GAS2: variants seen among roughly 807,000 people sequenced by gnomAD.
The protein encoded by GAS2 is growth arrest-specific protein 2.
Under a neutral mutation model 37.5 loss-of-function variants are expected in GAS2, and 20 were observed. That is an observed-to-expected ratio of 0.53 (90% CI 0.37 to 0.77). The LOEUF is 0.77. Ranked by LOEUF, GAS2 falls within the 30% of genes least tolerant of loss-of-function variation. The probability of loss-of-function intolerance (pLI) is 0.00; values close to 1 mark genes in which losing one functional copy is unlikely to be tolerated. For synonymous variants in GAS2, 144 were observed against 132.2 expected (o/e 1.09, Z -0.61); for missense variants, 336 against 373.4 (o/e 0.90, Z 0.82).
intron 7 of GAS2, among the ~76,000 whole-genome samples, chr11:22,803,372 C>T (rs1856749887): frequency 6.6e-6 from 1 of 152,042 alleles, no homozygotes; most frequent in South Asian, 2.1e-4. Context: ...AGGACATAAG[C>T]CTATGAATCA....
chr11:22,705,824 CAAGA>C (rs1220999135), intron 3 of GAS2, among the ~76,000 whole-genome samples: 3 of 151,994 alleles, frequency 2.0e-5, no homozygotes, highest in African/African-American at 7.2e-5. Flanking sequence ...TGTATAAATA[CAAGA>C]AAGTGTACAT....
At chr11:22,669,725 G>T (rs894725019) in intron 1 of GAS2, among the ~76,000 whole-genome samples, 1 of 152,130 alleles carries the variant, frequency 6.6e-6, no homozygotes, top group African/African-American at 2.4e-5. Context: ...TCAATTTAAA[G>T]ATTTTTATTA....
intron 7 of GAS2, among the ~76,000 whole-genome samples, chr11:22,803,363 G>A (rs1159289250): frequency 1.3e-5 from 2 of 152,062 alleles, no homozygotes; most frequent in African/African-American, 2.4e-5. Flanking sequence ...AGATTTGTTA[G>A]GACATAAGCC....
chr11:22,789,425 G>GATAT (rs35755438), intron 7 of GAS2, among the ~76,000 whole-genome samples: 1,136 of 30,522 alleles, frequency 0.037, 27 homozygotes, highest in African/African-American at 0.069. Context: ...TCTCATATGA[G>GATAT]ATATATATAT....
chr11:22,728,630 T>C (rs1444229022), intron 4 of GAS2, among the ~76,000 whole-genome samples: 1 of 151,764 alleles, frequency 6.6e-6, no homozygotes, highest in Non-Finnish European at 1.5e-5. Flanking sequence ...CAAGTTAAAT[T>C]AATTAGTTAG....
At chr11:22,733,052 C>T (rs1852562967) in intron 4 of GAS2, among the ~76,000 whole-genome samples, 1 of 151,430 alleles carries the variant, frequency 6.6e-6, no homozygotes, top group East Asian at 1.9e-4. Flanking sequence ...AATAAACTCC[C>T]ATGCCATGCC....
At chr11:22,765,617 A>T (rs184852056) in intron 7 of GAS2, among the ~76,000 whole-genome samples, 1 of 151,964 alleles carries the variant, frequency 6.6e-6, no homozygotes, top group South Asian at 2.1e-4. Flanking sequence ...GTCTCTACTA[A>T]AATTACAAAA....
chr11:22,742,342 T>C (rs185467352), intron 5 of GAS2, among the ~76,000 whole-genome samples: 2 of 152,172 alleles, frequency 1.3e-5, no homozygotes. Context: ...GAAAACCTCA[T>C]TGACAAAATA....
chr11:22,658,214 AGGT>A (rs1848877048), intron 1 of GAS2, among the ~76,000 whole-genome samples: 1 of 151,980 alleles, frequency 6.6e-6, no homozygotes, highest in South Asian at 2.1e-4. Context: ...TTTTTAGTAG[AGGT>A]GGTGTTTCAC....
chr11:22,773,200 C>T (rs965348309), intron 7 of GAS2, among the ~76,000 whole-genome samples: 1 of 152,070 alleles, frequency 6.6e-6, no homozygotes, highest in African/African-American at 2.4e-5. Flanking sequence ...CAGTATTCCC[C>T]AGAGTAACTT....
Position 22,712,956 on chromosome 11 carries a change from T to C in GAS2, c.268-13336T>C, listed in dbSNP as rs566168482. ...AGCCAGGCATGGTGGCTCAAACCTGTGGTCCCAGCTACTTGGGAGGCTGAG... is the reference window on the plus strand; with the variant it reads ...AGCCAGGCATGGTGGCTCAAACCTGCGGTCCCAGCTACTTGGGAGGCTGAG... On this transcript the variant is annotated intron_variant, in intron 3 of 7. Transcript: ENST00000454584. 2.0e-5 allele frequency among the ~76,000 whole-genome samples: 3 copies of C among 151,144 alleles called. No homozygotes were observed. In the South Asian group the frequency reaches 6.3e-4, roughly 32 times the overall value.
intron 7 of GAS2, among the ~76,000 whole-genome samples, chr11:22,802,017 A>G (rs190304644): frequency 6.6e-6 from 1 of 152,264 alleles, no homozygotes; most frequent in Admixed American, 6.5e-5. Flanking sequence ...ATATAAAAAA[A>G]AAAGCAAAAA....
intron 7 of GAS2, among the ~76,000 whole-genome samples, chr11:22,761,847 G>A (rs571040848): frequency 1.3e-5 from 2 of 152,148 alleles, no homozygotes; most frequent in Admixed American, 1.3e-4. Context: ...ACTAAACCCT[G>A]GCAGCTTAAC....
intron 1 of GAS2, among the ~76,000 whole-genome samples, chr11:22,631,946 C>CTTT (rs35928910): frequency 1.2e-5 from 1 of 82,968 alleles, no homozygotes; most frequent in African/African-American, 4.3e-5. Context: ...TGGCCCTGGA[C>CTTT]TTTTTTTTTT....
intron 5 of GAS2, among the ~76,000 whole-genome samples, chr11:22,743,770 G>A (rs1853225603): frequency 6.6e-6 from 1 of 152,062 alleles, no homozygotes; most frequent in Admixed American, 6.6e-5. Context: ...CCCAAAGCTA[G>A]CAGAAGAAAA....
chr11:22,690,748 C>T (rs1850204250), intron 3 of GAS2, among the ~76,000 whole-genome samples: 1 of 152,112 alleles, frequency 6.6e-6, no homozygotes, highest in Non-Finnish European at 1.5e-5. Flanking sequence ...CTCTCAGCTA[C>T]CCGATCGGAA....
chr11:22,776,924 C>G (rs967866632), intron 7 of GAS2, among the ~76,000 whole-genome samples: 9 of 152,132 alleles, frequency 5.9e-5, no homozygotes, highest in Non-Finnish European at 1.2e-4. Context: ...GGCCTCTCAG[C>G]TTGGCATTCT....
At chr11:22,731,167 A>C (rs150981071) in intron 4 of GAS2, among the ~76,000 whole-genome samples, 315 of 151,858 alleles carry the variant, frequency 2.1e-3, no homozygotes, top group African/African-American at 6.8e-3. Flanking sequence ...AGAAATTGTC[A>C]AGTTAACTTT....
chr11:22,657,849 T>TACTTCAC (rs1199928228), intron 1 of GAS2, among the ~76,000 whole-genome samples: 1 of 152,190 alleles, frequency 6.6e-6, no homozygotes, highest in Non-Finnish European at 1.5e-5. Flanking sequence ...AATTTAAATT[T>TACTTCAC]ACTTCACAAT....
Sources: gnomAD v4.1 joint callset for allele counts (sites outside exome capture counted in the v4.1 genomes callset) on GRCh38, gnomAD v4.1.1 for gene constraint, MANE v1.5 for transcripts, NCBI Gene and HGNC (gene_info 2026-07-23, HGNC 2026-07-21) for gene names.